The following NEMF variants were observed in gnomAD, a reference collection of about 807,000 sequenced individuals.
NEMF encodes the protein ribosome quality control complex subunit NEMF.
A neutral mutation model predicts 162.2 loss-of-function variants in NEMF; 89 were observed. That is an observed-to-expected ratio of 0.55 (90% confidence interval 0.46 to 0.65). NEMF has a LOEUF of 0.65. Ranked by LOEUF, NEMF falls within the 30% of genes least tolerant of loss-of-function variation. NEMF has a pLI of 0.00. For synonymous variants in NEMF, 421 were observed against 404.5 expected (o/e 1.04, Z -0.49); for missense variants, 1,133 against 1,261.9 (o/e 0.90, Z 1.55).
At chr14:49,831,809 T>C (rs1594786526) in intron 10 of NEMF, among the ~76,000 whole-genome samples, 1 of 152,340 alleles carries the variant, frequency 6.6e-6, no homozygotes, top group African/African-American at 2.4e-5. Context: ...TTCCGGTAAA[T>C]GTATTATATG....
intron 26 of NEMF, among the ~76,000 whole-genome samples, chr14:49,792,118 G>C (rs1890480752): frequency 6.6e-6 from 1 of 151,686 alleles, no homozygotes; most frequent in Non-Finnish European, 1.5e-5. Context: ...ATCCCAGCCT[G>C]GGCAACAAAG....
chr14:49,815,693 G>A (rs1007153734), intron 16 of NEMF, among the ~76,000 whole-genome samples: 8 of 152,094 alleles, frequency 5.3e-5, no homozygotes, highest in Non-Finnish European at 1.0e-4. Context: ...AGCTGGACAC[G>A]GTGCCTCACG....
intron 8 of NEMF, 77 bp downstream of exon 8, chr14:49,833,346 T>C: frequency 1.3e-6 from 1 of 789,612 alleles, no homozygotes; most frequent in Non-Finnish European, 2.0e-6. Flanking sequence ...GTATATATAA[T>C]GATCCTTTAA....
intron 6 of NEMF, 119 bp downstream of exon 6, chr14:49,838,020 C>G (rs1892993467): frequency 4.5e-6 from 3 of 659,410 alleles, no homozygotes; most frequent in Non-Finnish European, 7.6e-6. Context: ...CAATAAACTC[C>G]TACTTACTCC....
At chr14:49,836,824 G>T (rs896040093) in intron 6 of NEMF, among the ~76,000 whole-genome samples, 2 of 152,072 alleles carry the variant, frequency 1.3e-5, no homozygotes, top group African/African-American at 4.8e-5. Flanking sequence ...AGATACCTTG[G>T]GGATGGAACC....
rs754917189 is a variant in NEMF, at chr14:49,783,418, CA to C, written c.*1217del. 2 of 151,602 alleles carry C rather than the reference CA, an allele frequency of 1.3e-5. No homozygotes were observed. Among genetic ancestry groups the C allele is most frequent in the East Asian group, 3.9e-4 (2 of 5,178 alleles). 9.4% of individuals were successfully genotyped at this position (151,602 alleles called of 1,614,324 possible). Reference sequence around the variant, plus strand: ...TCACATTATGACGAAGCTGGAAAAACAAAGTGTGGAGGGACCAACAACTGTT... The same window carrying C: ...TCACATTATGACGAAGCTGGAAAAACAAGTGTGGAGGGACCAACAACTGTT... On this transcript the variant is annotated 3_prime_UTR_variant, in exon 33 of 33. Coordinates refer to ENST00000298310, the MANE Select transcript of NEMF (RefSeq NM_004713.6).
At chr14:49,800,016 G>A (rs977209907) in intron 23 of NEMF, among the ~76,000 whole-genome samples, 4 of 152,128 alleles carry the variant, frequency 2.6e-5, no homozygotes, top group Admixed American at 2.6e-4. Context: ...TCCCAAGGAC[G>A]CACCCTAAGA....
intron 25 of NEMF, 25 bp downstream of exon 25, chr14:49,799,450 A>C (rs1352898983): frequency 1.3e-6 from 2 of 1,566,128 alleles, no homozygotes; most frequent in Non-Finnish European, 1.7e-6. Flanking sequence ...CATGCTTTTT[A>C]GTTAATTAAC....
chr14:49,851,789 C>A lies in NEMF; in HGVS notation c.128+18G>T. On this transcript the variant is annotated intron_variant, in intron 2 of 32. Transcript: ENST00000298310. ...ACTTAATTGTCAAAGAGAAAATAAG[C>A]CTATAAAATGTTCTTACTTTTGAAG... 6.7e-7 allele frequency: 1 copy of A among 1,489,148 alleles called. No individual in the cohort carries two copies. Among genetic ancestry groups the A allele is most frequent in the Non-Finnish European group, 9.3e-7 (1 of 1,078,112 alleles). The allele number at this position is 1,489,148 out of a possible 1,614,324, so 92.2% of individuals were successfully genotyped here.
chr14:49,782,878 A>G lies in NEMF; in HGVS notation c.*1758T>C, dbSNP rs1395611517. The stretch of plus-strand genomic sequence containing the variant: ...GCTTTAAAGAAATGTTAGCCAACTC[A>G]TGGAACTGCCTTCCAAAACACTTAC... On this transcript the variant is annotated 3_prime_UTR_variant, in exon 33 of 33. Coordinates refer to ENST00000298310, the MANE Select transcript of NEMF (RefSeq NM_004713.6). 6.2e-7 allele frequency: 1 copy of G among 1,613,624 alleles called. No homozygotes were observed. The highest frequency in any genetic ancestry group is 1.3e-5 in the African/African-American group (1 of 74,916).
intron 18 of NEMF, among the ~76,000 whole-genome samples, chr14:49,809,687 C>G (rs1377062470): frequency 6.6e-6 from 1 of 152,060 alleles, no homozygotes; most frequent in Non-Finnish European, 1.5e-5. Context: ...TAGTAAAACC[C>G]TGTTTCTTCT....
chr14:49,797,962 A>G (rs549977062), intron 25 of NEMF, among the ~76,000 whole-genome samples: 7 of 152,250 alleles, frequency 4.6e-5, no homozygotes, highest in Admixed American at 3.3e-4. Flanking sequence ...ACATCCCAAA[A>G]TGCGCATGTC....
intron 4 of NEMF, chr14:49,844,729 ACGCGCGCG>A (rs1328400600): frequency 1.3e-4 from 9 of 68,882 alleles, no homozygotes; most frequent in African/African-American, 4.4e-4. Flanking sequence ...ACGCACGCGC[ACGCGCGCG>A]CACACACACA....
intron 6 of NEMF, 133 bp downstream of exon 6, chr14:49,838,000 CTTTCTT>C (rs1295924559): frequency 1.8e-6 from 1 of 558,734 alleles, no homozygotes; most frequent in African/African-American, 1.9e-5. Context: ...TTTAACTTCT[CTTTCTT>C]TGACAATAAA....
In NEMF at chr14:49,800,400, A is replaced by C. The variant is rs755782272; in HGVS notation, c.2372+20T>G. The C allele has an allele frequency of 6.3e-5, 98 of 1,547,562 alleles. No homozygotes were observed. The highest frequency in any genetic ancestry group is 8.4e-5 in the Non-Finnish European group (96 of 1,142,758). Reference sequence around the variant, plus strand: ...TTCTCAGCTTACACAATAATATGTAAAATTTTATTTTTTAATTACCTTTGG... The same window carrying C: ...TTCTCAGCTTACACAATAATATGTACAATTTTATTTTTTAATTACCTTTGG... On this transcript the variant is annotated intron_variant, in intron 23 of 32. Transcript: ENST00000298310.
At position 49,821,177 on chromosome 14, in the gene NEMF, G is replaced by A. The variant is rs1216655139; in HGVS notation, c.1577+4690C>T. On this transcript the variant is annotated intron_variant, in intron 16 of 32. Transcript: ENST00000298310. ...CCACCCCGTCTGGGAAGTGAGGAGC[G>A]TCTCCGCCCGGCAGCCACCACGCCC... Among the ~76,000 whole-genome samples the A allele has an allele frequency of 1.5e-3, 20 of 13,180 alleles. 8 individuals carry two copies. Among genetic ancestry groups the A allele is most frequent in the African/African-American group, 1.5e-3 (18 of 12,206 alleles). The allele number at this position is 13,180 out of a possible 152,430, so 8.6% of individuals were successfully genotyped here.
Position 49,789,565 on chromosome 14 carries a change from C to T in NEMF, c.2628G>A (p.Met876Ile). 1 of 1,608,206 alleles carries T rather than the reference C, an allele frequency of 6.2e-7. No homozygotes were observed. Among genetic ancestry groups the T allele is most frequent in the Non-Finnish European group, 8.5e-7 (1 of 1,178,676 alleles). The change falls in exon 27 of 33, where the codon ATG becomes ATA. Residue 876 changes from methionine (M) to isoleucine (I), a missense_variant. This residue lies in a region of NEMF where 532 missense variants were observed against 578.6 expected (regional missense o/e 0.92). Coordinates refer to ENST00000298310, the MANE Select transcript of NEMF (RefSeq NM_004713.6). ...QPMKRGQKSK[M>I]KKMKEKYKDQ... ...CTTTGTATTTTTCTTTCATTTTTTT[C>T]ATTTTACTCTACAAAATCAGAAGAT...
chr14:49,840,574 G>C, intron 5 of NEMF, 144 bp downstream of exon 5: 1 of 691,018 alleles, frequency 1.4e-6, no homozygotes, highest in Non-Finnish European at 2.3e-6. Context: ...CGTTATCTAA[G>C]TAAAACAAAA....
intron 4 of NEMF, chr14:49,844,948 T>C (rs1488763050): frequency 3.1e-5 from 6 of 196,646 alleles, no homozygotes; most frequent in South Asian, 1.3e-4. Context: ...TTTGTATTTT[T>C]AGTAGAGATG....
Sources: gnomAD v4.1 joint callset for allele counts (sites outside exome capture counted in the v4.1 genomes callset) on GRCh38, gnomAD v4.1.1 for gene constraint, gnomAD v4.1.1 regional missense constraint, MANE v1.5 for transcripts, NCBI Gene and HGNC (gene_info 2026-07-23, HGNC 2026-07-21) for gene names.